Variants in PTPRD observed in about 807,000 individuals in gnomAD.
PTPRD encodes the protein protein tyrosine phosphatase receptor type D.
In PTPRD, 34 loss-of-function variants were observed where a neutral mutation model predicts 214.5. That is an observed-to-expected ratio of 0.16 (90% CI 0.12 to 0.21). The LOEUF (loss-of-function observed/expected upper bound fraction) is 0.21, where lower values mean the gene tolerates loss of function less well. PTPRD is among the 10% of genes least tolerant of loss of function. The pLI is 1.00. For missense variants in PTPRD, 2,545 were observed against 2,398.7 expected, an observed-to-expected ratio of 1.06 and a Z score of -1.27; for synonymous variants, 1,128 against 845.7, an observed-to-expected ratio of 1.33 and a Z score of -5.79.
At chr9:9,932,217 G>C (rs1268120875) in intron 5 of PTPRD, among the ~76,000 whole-genome samples, 1 of 151,226 alleles carries the variant, frequency 6.6e-6, no homozygotes. Flanking sequence ...AAAGAACAAA[G>C]CTGGATGGAG....
intron 9 of PTPRD, among the ~76,000 whole-genome samples, chr9:9,235,995 G>A (rs2099966431): frequency 6.6e-6 from 1 of 152,112 alleles, no homozygotes; most frequent in Non-Finnish European, 1.5e-5. Flanking sequence ...CAGGTGCGGT[G>A]TCTCATGCCT....
chr9:10,465,921 C>T (rs1448754070), intron 2 of PTPRD, among the ~76,000 whole-genome samples: 2 of 152,082 alleles, frequency 1.3e-5, no homozygotes, highest in African/African-American at 4.8e-5. Flanking sequence ...ATAGTAAATA[C>T]TATATGAATA....
At chr9:9,788,569 A>AG (rs1243487677) in intron 5 of PTPRD, among the ~76,000 whole-genome samples, 1 of 151,144 alleles carries the variant, frequency 6.6e-6, no homozygotes, top group Non-Finnish European at 1.5e-5. Context: ...AAAAAAAGAA[A>AG]GAAAAAAAAA....
At chr9:9,262,097 G>A (rs2099980370) in intron 9 of PTPRD, among the ~76,000 whole-genome samples, 1 of 151,566 alleles carries the variant, frequency 6.6e-6, no homozygotes, top group African/African-American at 2.4e-5. Flanking sequence ...ATACTGGGGT[G>A]TCCCACAGTG....
chr9:9,962,924 A>C (rs1422338969), intron 4 of PTPRD, among the ~76,000 whole-genome samples: 1 of 152,122 alleles, frequency 6.6e-6, no homozygotes, highest in African/African-American at 2.4e-5. Flanking sequence ...CTTACGTCAA[A>C]CACTAGAAAT....
chr9:10,256,771 CTT>C (rs540302068), intron 3 of PTPRD, among the ~76,000 whole-genome samples: 2 of 152,112 alleles, frequency 1.3e-5, no homozygotes, highest in South Asian at 4.1e-4. Context: ...CATCATGTGT[CTT>C]TTGAAAATGG....
At chr9:9,578,152 G>C (rs1340602113) in intron 7 of PTPRD, among the ~76,000 whole-genome samples, 2 of 151,242 alleles carry the variant, frequency 1.3e-5, no homozygotes, top group Non-Finnish European at 2.9e-5. Context: ...AAGCCAAGCA[G>C]GCAAACCACA....
intron 3 of PTPRD, among the ~76,000 whole-genome samples, chr9:10,043,641 CA>C (rs994016538): frequency 6.6e-6 from 1 of 151,230 alleles, no homozygotes; most frequent in African/African-American, 2.4e-5. Context: ...TTTTATGATG[CA>C]AAAAAGGTGA....
At chr9:10,579,994 T>A (rs1160140784) in intron 2 of PTPRD, among the ~76,000 whole-genome samples, 2 of 152,154 alleles carry the variant, frequency 1.3e-5, no homozygotes, top group Admixed American at 1.3e-4. Context: ...CCTTATAAAT[T>A]CTAGATATTA....
chr9:9,744,122 A>T (rs1386845608), intron 6 of PTPRD, among the ~76,000 whole-genome samples: 1 of 152,078 alleles, frequency 6.6e-6, no homozygotes, highest in Admixed American at 6.6e-5. Context: ...ACCATTTTCG[A>T]TAGGAATTTT....
chr9:9,597,997 T>C (rs565071901), intron 7 of PTPRD, among the ~76,000 whole-genome samples: 4 of 152,122 alleles, frequency 2.6e-5, no homozygotes, highest in African/African-American at 7.2e-5. Context: ...AAACCATGTA[T>C]CCTGATTAAA....
At chr9:10,049,951 A>G (rs1195839981) in intron 3 of PTPRD, among the ~76,000 whole-genome samples, 2 of 152,150 alleles carry the variant, frequency 1.3e-5, no homozygotes, top group African/African-American at 4.8e-5. Context: ...ATTTATCACA[A>G]TCTAATCATA....
At chr9:10,049,214 T>A (rs1019046437) in intron 3 of PTPRD, among the ~76,000 whole-genome samples, 1 of 152,008 alleles carries the variant, frequency 6.6e-6, no homozygotes. Context: ...CTGGAAGGGA[T>A]CCCTGCAATC....
intron 2 of PTPRD, among the ~76,000 whole-genome samples, chr9:10,374,681 T>TCC (rs2154479554): frequency 6.6e-6 from 1 of 152,214 alleles, no homozygotes; most frequent in East Asian, 1.9e-4. Context: ...GATGCAGTTT[T>TCC]CCACACATTT....
chr9:9,007,669 G>T (rs1486239410), intron 11 of PTPRD, among the ~76,000 whole-genome samples: 1 of 147,380 alleles, frequency 6.8e-6, no homozygotes, highest in Non-Finnish European at 1.5e-5. Flanking sequence ...CCTATGTATA[G>T]TTATTTTTCT....
chr9:9,165,645 G>A (rs1265055342), intron 10 of PTPRD, among the ~76,000 whole-genome samples: 1 of 152,130 alleles, frequency 6.6e-6, no homozygotes, highest in African/African-American at 2.4e-5. Context: ...TTTCAAGGAT[G>A]TCAACTATGA....
intron 2 of PTPRD, among the ~76,000 whole-genome samples, chr9:10,511,729 A>G (rs557159103): frequency 6.6e-6 from 1 of 150,636 alleles, no homozygotes; most frequent in African/African-American, 2.4e-5. Context: ...TTCTTTAAAA[A>G]CTTTTTAGAC....
intron 8 of PTPRD, among the ~76,000 whole-genome samples, chr9:9,474,487 G>A (rs2094877253): frequency 6.6e-6 from 1 of 151,958 alleles, no homozygotes; most frequent in South Asian, 2.1e-4. Context: ...GAATTCCATT[G>A]GTGTTTTGAT....
intron 3 of PTPRD, among the ~76,000 whole-genome samples, chr9:10,134,835 A>C (rs573348717): frequency 3.1e-4 from 47 of 152,314 alleles, no homozygotes; most frequent in Middle Eastern, 3.4e-3. Flanking sequence ...ACCTTCAGAC[A>C]ATCACCATGG....
Sources: gnomAD v4.1 joint callset for allele counts (sites outside exome capture counted in the v4.1 genomes callset) on GRCh38, gnomAD v4.1.1 for gene constraint, MANE v1.5 for transcripts, NCBI Gene and HGNC (gene_info 2026-07-23, HGNC 2026-07-21) for gene names.